The following RARS1 variants were observed in gnomAD, a reference collection of about 807,000 sequenced individuals.
RARS1 encodes the protein arginyl-tRNA synthetase 1.
RARS1 carries 75 observed loss-of-function variants against 78.7 expected under a neutral mutation model. That is an observed-to-expected ratio of 0.95 (90% CI 0.79 to 1.15). The LOEUF (loss-of-function observed/expected upper bound fraction) is 1.15, where lower values mean the gene tolerates loss of function less well. RARS1 is among the 50% of genes most tolerant of loss of function. The pLI, the probability that RARS1 is intolerant of heterozygous loss-of-function variation, is 0.00. For synonymous variants in RARS1, 273 were observed against 268.2 expected (o/e 1.02, Z -0.18); for missense variants, 787 against 787.5 (o/e 1.00, Z 0.01).
intron 12 of RARS1, among the ~76,000 whole-genome samples, chr5:168,511,055 C>T (rs534354734): frequency 4.3e-4 from 65 of 152,214 alleles, no homozygotes; most frequent in Middle Eastern, 3.4e-3. Context: ...GTAGAGTGGT[C>T]ATAGCAGTCA....
In RARS1 at chr5:168,489,751, T is replaced by A. The variant is rs199954266; in HGVS notation, c.180+1015T>A. ...CATTACATCCTTTTCCCAAAGCTGA[T>A]TGATCCATTTACTCACCTTAGACTC... On this transcript the variant is annotated intron_variant, in intron 2 of 14. Transcript: ENST00000231572. 1.2e-4 allele frequency among the ~76,000 whole-genome samples: 19 copies of A among 152,300 alleles called. No individual in the cohort carries two copies. In the East Asian group the frequency reaches 3.7e-3, roughly 29 times the overall value.
chr5:168,487,650 AT>A (rs1757998036), intron 1 of RARS1, among the ~76,000 whole-genome samples: 1 of 152,180 alleles, frequency 6.6e-6, no homozygotes, highest in South Asian at 2.1e-4. Context: ...ATGTATGCTC[AT>A]TTTTGGCAAT....
In RARS1 at chr5:168,502,115, C is replaced by T. The variant is rs1554122260; in HGVS notation, c.1057+10C>T. On this transcript the variant is annotated intron_variant, in intron 9 of 14. Coordinates refer to ENST00000231572, the MANE Select transcript of RARS1 (RefSeq NM_002887.4). ...GAATTTGAAGATAGAGGTAGGCACT[C>T]TTCTTTTAACTTTTTATTATGGAAA... 6.4e-7 allele frequency: 1 copy of T among 1,573,184 alleles called. No homozygotes were observed. Among genetic ancestry groups the T allele is most frequent in the East Asian group, 2.3e-5 (1 of 44,106 alleles).
chr5:168,486,610 C>T (rs866303844), intron 1 of RARS1, 67 bp downstream of exon 1: 2 of 1,517,050 alleles, frequency 1.3e-6, no homozygotes, highest in South Asian at 1.2e-5. Flanking sequence ...CCTGCCCAAG[C>T]GGCTTCGGGG....
intron 3 of RARS1, chr5:168,493,101 T>C (rs186957646): frequency 5.7e-6 from 2 of 350,630 alleles, no homozygotes; most frequent in East Asian, 9.0e-5. Context: ...TGTTTAGGTA[T>C]TTCCCTCCTG....
intron 7 of RARS1, 113 bp from the exon 8 acceptor site, chr5:168,500,478 G>A: frequency 9.4e-7 from 1 of 1,061,252 alleles, no homozygotes; most frequent in African/African-American, 1.7e-5. Flanking sequence ...TTGTTCTCGT[G>A]TTTGTACTTT....
At chr5:168,490,016 G>A (rs772640091) in intron 2 of RARS1, among the ~76,000 whole-genome samples, 63 of 152,236 alleles carry the variant, frequency 4.1e-4, no homozygotes, top group Non-Finnish European at 7.4e-4. Flanking sequence ...GTTTCTCCAT[G>A]TTGGTCAGGC....
Position 168,497,315 on chromosome 5 carries a change from A to G in RARS1, c.789A>G (p.Ser263=). ...AATTTCCAGATTATCTAACAGTTTC[A>G]CCTCCTATTGGGGATCTTCAGGTCT... ...QDKFPDYLTV[S]PPIGDLQVFY... is the part of the protein sequence containing the mutation. The change falls in exon 7 of 15, where the codon TCA becomes TCG. Residue 263 remains serine (S), a synonymous_variant. Coordinates refer to ENST00000231572, the MANE Select transcript of RARS1 (RefSeq NM_002887.4). 1 of 1,589,092 alleles carries G rather than the reference A, an allele frequency of 6.3e-7. No individual in the cohort carries two copies. The highest frequency in any genetic ancestry group is 8.6e-7 in the Non-Finnish European group (1 of 1,166,552).
chr5:168,488,725 A>G lies in RARS1; in HGVS notation c.169A>G (p.Ile57Val), dbSNP rs777605139. 1.2e-6 allele frequency: 2 copies of G among 1,605,836 alleles called. No homozygotes were observed. The highest frequency in any genetic ancestry group is 8.5e-7 in the Non-Finnish European group (1 of 1,177,702). ...TTTAAAATTAAAGTATCGACTGAAT[A>G]TTCTTCGAAAGGTGAGTACTTTGGG... ...ENLKLKYRLNILRKSLQAERN... is the reference protein window; with the variant it reads ...ENLKLKYRLNVLRKSLQAERN... Residue 57 changes from isoleucine to valine, a missense_variant, in exon 2 of 15, where the codon ATT becomes GTT. Coordinates refer to ENST00000231572, the MANE Select transcript of RARS1 (RefSeq NM_002887.4).
chr5:168,497,186 T>C (rs991401285), intron 6 of RARS1, 42 bp from the exon 7 acceptor site: 32 of 1,335,532 alleles, frequency 2.4e-5, no homozygotes, highest in Non-Finnish European at 2.9e-5. Flanking sequence ...TAACCATCTT[T>C]ATTATTTAAA....
chr5:168,508,834 C>T (rs1388375776), intron 11 of RARS1, among the ~76,000 whole-genome samples: 1 of 151,914 alleles, frequency 6.6e-6, no homozygotes, highest in African/African-American at 2.4e-5. Context: ...GTTGGATGCT[C>T]CACAATGTGT....
intron 13 of RARS1, among the ~76,000 whole-genome samples, chr5:168,517,174 ACT>A (rs1342495855): frequency 6.6e-6 from 1 of 151,476 alleles, no homozygotes; most frequent in Non-Finnish European, 1.5e-5. Flanking sequence ...ACGGAGTCTC[ACT>A]CTGTTGCCCA....
intron 2 of RARS1, among the ~76,000 whole-genome samples, chr5:168,491,261 A>G (rs772805025): frequency 2.6e-5 from 4 of 152,174 alleles, no homozygotes; most frequent in Non-Finnish European, 5.9e-5. Flanking sequence ...TTGGGAGGCC[A>G]AGGCAGGAGG....
chr5:168,492,931 C>CAAGTTGTAT, intron 3 of RARS1, 84 bp downstream of exon 3: 1 of 1,223,092 alleles, frequency 8.2e-7, no homozygotes, highest in South Asian at 1.8e-5. Flanking sequence ...AATACTATTA[C>CAAGTTGTAT]AAGTTGTATC....
At chr5:168,499,390 ATAAAT>A (rs1418441525) in intron 7 of RARS1, among the ~76,000 whole-genome samples, 1 of 152,226 alleles carries the variant, frequency 6.6e-6, no homozygotes, top group Non-Finnish European at 1.5e-5. Context: ...ATTTTGATTA[ATAAAT>A]TTATTTTAAT....
rs745821499 is a variant in RARS1 at position 168,519,197 on chromosome 5, A to G, written c.*7A>G. The G allele has an allele frequency of 1.3e-6, 2 of 1,598,984 alleles. No homozygotes were observed. The highest frequency in any genetic ancestry group is 8.6e-7 in the Non-Finnish European group (1 of 1,166,818). ...ACCTGTCCAAAGGATGTAATCCTTC[A>G]TAGGTTTGAACACTGTGTGTTTTTA... On this transcript the variant is annotated 3_prime_UTR_variant, in exon 15 of 15. Coordinates refer to ENST00000231572, the MANE Select transcript of RARS1 (RefSeq NM_002887.4).
At chr5:168,499,477 G>A (rs1220718748) in intron 7 of RARS1, among the ~76,000 whole-genome samples, 1 of 152,114 alleles carries the variant, frequency 6.6e-6, no homozygotes, top group Admixed American at 6.5e-5. Context: ...TTCAAGAATA[G>A]GATTCCTGTA....
At chr5:168,501,554 C>G (rs1033163926) in intron 8 of RARS1, among the ~76,000 whole-genome samples, 2 of 152,164 alleles carry the variant, frequency 1.3e-5, no homozygotes, top group African/African-American at 4.8e-5. Context: ...GAAACCCCAT[C>G]TCTACTAAAA....
chr5:168,493,844 T>C (rs771457745), intron 3 of RARS1, 50 bp from the exon 4 acceptor site: 110 of 1,463,096 alleles, frequency 7.5e-5, no homozygotes, highest in Non-Finnish European at 1.0e-4. Context: ...CATTTGCGAG[T>C]AACTTGCTGA....
Sources: allele counts gnomAD v4.1 joint callset (sites outside exome capture counted in the v4.1 genomes callset), GRCh38; gene constraint gnomAD v4.1.1; transcripts MANE v1.5; gene names NCBI Gene and HGNC (gene_info 2026-07-23, HGNC 2026-07-21).